PDGFD: variants seen among roughly 807,000 people sequenced by gnomAD.
The protein encoded by PDGFD is platelet derived growth factor D, also known as platelet-derived growth factor D.
Under a neutral mutation model 44.7 loss-of-function variants are expected in PDGFD, and 30 were observed. The observed-to-expected ratio is 0.67, with a 90% confidence interval of 0.50 to 0.91. The LOEUF (loss-of-function observed/expected upper bound fraction) is 0.91. Ranked by LOEUF, PDGFD falls within the 40% of genes least tolerant of loss-of-function variation. The pLI is 0.00. For missense variants in PDGFD, 445 were observed against 457.8 expected (o/e 0.97, Z 0.25); for synonymous variants, 173 against 168.4 (o/e 1.03, Z -0.21).
At chr11:103,931,570 A>C (rs1858399612) in intron 5 of PDGFD, among the ~76,000 whole-genome samples, 1 of 152,108 alleles carries the variant, frequency 6.6e-6, no homozygotes, top group Non-Finnish European at 1.5e-5. Flanking sequence ...GAAGACAGTC[A>C]GTAATCTTTT....
chr11:103,947,005 A>T (rs746980406), intron 4 of PDGFD, among the ~76,000 whole-genome samples: 3 of 152,176 alleles, frequency 2.0e-5, no homozygotes, highest in Non-Finnish European at 2.9e-5. Flanking sequence ...AAACAACTGC[A>T]TTTATTATCT....
intron 1 of PDGFD, among the ~76,000 whole-genome samples, chr11:104,153,746 C>G (rs957631451): frequency 2.6e-5 from 4 of 152,124 alleles, no homozygotes; most frequent in African/African-American, 9.7e-5. Context: ...TGTGATTACT[C>G]ATTGTATACC....
At chr11:103,943,685 A>G in intron 4 of PDGFD, 35 bp from the exon 5 acceptor site, 1 of 1,556,656 alleles carries the variant, frequency 6.4e-7, no homozygotes, top group African/African-American at 1.4e-5. Flanking sequence ...TACTCAGAAT[A>G]AGTCCATTGC....
intron 5 of PDGFD, among the ~76,000 whole-genome samples, chr11:103,936,132 C>T (rs1858484384): frequency 6.6e-6 from 1 of 152,084 alleles, no homozygotes; most frequent in African/African-American, 2.4e-5. Context: ...CTATTATTAA[C>T]AATAATGTAA....
At position 103,996,163 on chromosome 11, in the gene PDGFD, G is replaced by A. The variant is rs371385178; in HGVS notation, c.412C>T (p.Pro138Ser). 6.2e-7 allele frequency: 1 copy of A among 1,613,598 alleles called. No homozygotes were observed. The highest frequency in any genetic ancestry group is 1.7e-5 in the Admixed American group (1 of 59,972). ...TGGTTCGTTCTTGATTTTATCCTTG[G>A]AGGAACTTCCTTGTGTCCACACCAT... Reference protein sequence around the residue: ...GRWCGHKEVPPRIKSRTNQIK... With the variant: ...GRWCGHKEVPSRIKSRTNQIK... Residue 138 changes from proline (P) to serine (S), a missense_variant, in exon 3 of 7, where the codon CCA (proline) becomes TCA (serine). By Grantham distance (74) the Pro-to-Ser change is moderately conservative. Transcript: ENST00000393158.
chr11:104,138,778 T>A (rs1440647830), intron 1 of PDGFD, among the ~76,000 whole-genome samples: 1 of 152,192 alleles, frequency 6.6e-6, no homozygotes, highest in Non-Finnish European at 1.5e-5. Flanking sequence ...CTCATTTTTT[T>A]TGAGATGGAG....
rs553957102 is a variant in PDGFD at position 104,141,911 on chromosome 11, C to A, written c.124+21893G>T. 3.9e-5 allele frequency among the ~76,000 whole-genome samples: 6 copies of A among 152,246 alleles called. No individual in the cohort carries two copies. The East Asian group carries it at 1.2e-3, about 29-fold the overall frequency. On this transcript the variant is annotated intron_variant, in intron 1 of 6. Transcript: ENST00000393158. Reference sequence around the variant, plus strand: ...AATAAATTTCTGTTGTATTAAGCCACCACAGTTGTGCAATTTAATCCAGAA... The same window carrying A: ...AATAAATTTCTGTTGTATTAAGCCAACACAGTTGTGCAATTTAATCCAGAA...
intron 1 of PDGFD, among the ~76,000 whole-genome samples, chr11:104,077,247 G>A (rs187930577): frequency 6.6e-6 from 1 of 152,288 alleles, no homozygotes; most frequent in Admixed American, 6.5e-5. Context: ...TACCTCTGTA[G>A]ACGACATGAC....
At chr11:104,108,772 T>C (rs970284261) in intron 1 of PDGFD, among the ~76,000 whole-genome samples, 32 of 152,238 alleles carry the variant, frequency 2.1e-4, no homozygotes, top group African/African-American at 7.7e-4. Flanking sequence ...TGTGGCACTA[T>C]TCACAACAGC....
intron 5 of PDGFD, among the ~76,000 whole-genome samples, chr11:103,929,668 G>A (rs748744855): frequency 1.3e-5 from 2 of 152,196 alleles, no homozygotes; most frequent in Non-Finnish European, 2.9e-5. Context: ...CATATCAGGC[G>A]ATTGAAATCA....
intron 1 of PDGFD, among the ~76,000 whole-genome samples, chr11:104,151,595 T>C (rs550303141): frequency 6.6e-6 from 1 of 152,286 alleles, no homozygotes; most frequent in East Asian, 1.9e-4. Context: ...AGTGGTCAAA[T>C]AATTATTTCG....
chr11:103,959,807 T>C (rs553239934), intron 3 of PDGFD, among the ~76,000 whole-genome samples: 2 of 152,340 alleles, frequency 1.3e-5, no homozygotes, highest in East Asian at 1.9e-4. Context: ...ACTCAGTCCA[T>C]AGGACTTCAT....
At chr11:104,044,765 G>A (rs533245017) in intron 1 of PDGFD, among the ~76,000 whole-genome samples, 21 of 152,248 alleles carry the variant, frequency 1.4e-4, no homozygotes, top group Admixed American at 6.5e-4. Flanking sequence ...TTGGCCGGGC[G>A]TGGTGGCTCA....
intron 3 of PDGFD, among the ~76,000 whole-genome samples, chr11:103,964,939 T>C (rs567250573): frequency 4.0e-5 from 6 of 151,580 alleles, no homozygotes; most frequent in African/African-American, 1.5e-4. Flanking sequence ...TTTAAAAAGA[T>C]GGAAGTAGTC....
At chr11:104,126,956 C>T (rs1282145858) in intron 1 of PDGFD, among the ~76,000 whole-genome samples, 1 of 152,044 alleles carries the variant, frequency 6.6e-6, no homozygotes, top group South Asian at 2.1e-4. Context: ...AGAGTTTTAA[C>T]CTCTCCTCTA....
Position 104,075,051 on chromosome 11 carries a change from C to T in PDGFD, c.125-74796G>A, listed in dbSNP as rs1024194056. Among the ~76,000 whole-genome samples the T allele has an allele frequency of 1.1e-4, 17 of 152,232 alleles. 1 individual carries two copies. The East Asian group carries it at 2.9e-3, about 26-fold the overall frequency. ...AAGCTGAGAAATGTGTTACAATATG[C>T]AACATATACTGACTGCCATCAAACT... is the stretch of plus-strand genomic sequence containing the variant. On this transcript the variant is annotated intron_variant, in intron 1 of 6. Transcript: ENST00000393158.
At chr11:104,071,903 A>T (rs1245999564) in intron 1 of PDGFD, among the ~76,000 whole-genome samples, 1 of 151,730 alleles carries the variant, frequency 6.6e-6, no homozygotes, top group Admixed American at 6.6e-5. Context: ...ACGTGTACTG[A>T]GTCTATTTCT....
At chr11:103,967,304 T>G (rs1411281863) in intron 3 of PDGFD, among the ~76,000 whole-genome samples, 1 of 152,162 alleles carries the variant, frequency 6.6e-6, no homozygotes, top group African/African-American at 2.4e-5. Context: ...TATATTTGTC[T>G]CCACCCCTTG....
chr11:103,986,595 G>A (rs919484831), intron 3 of PDGFD, among the ~76,000 whole-genome samples: 2 of 152,140 alleles, frequency 1.3e-5, no homozygotes, highest in East Asian at 1.9e-4. Flanking sequence ...TGACCTAACC[G>A]ACTCCATCTT....
Sources: gnomAD v4.1 joint callset for allele counts (sites outside exome capture counted in the v4.1 genomes callset) on GRCh38, gnomAD v4.1.1 for gene constraint, MANE v1.5 for transcripts, NCBI Gene and HGNC (gene_info 2026-07-23, HGNC 2026-07-21) for gene names.